The following PTPRD variants were observed in gnomAD, a reference collection of about 807,000 sequenced individuals.
The protein encoded by PTPRD is receptor-type tyrosine-protein phosphatase delta.
In PTPRD, 34 loss-of-function variants were observed where a neutral mutation model predicts 214.5. The observed-to-expected ratio is 0.16, with a 90% CI of 0.12 to 0.21. The LOEUF (loss-of-function observed/expected upper bound fraction) is 0.21, where lower values mean the gene tolerates loss of function less well. PTPRD is among the 10% of genes least tolerant of loss of function. The probability of loss-of-function intolerance (pLI) is 1.00; values close to 1 mark genes in which losing one functional copy is unlikely to be tolerated. For synonymous variants in PTPRD, 1,128 were observed against 845.7 expected, an observed-to-expected ratio of 1.33 and a Z score of -5.79; for missense variants, 2,545 against 2,398.7, an observed-to-expected ratio of 1.06 and a Z score of -1.27.
intron 3 of PTPRD, among the ~76,000 whole-genome samples, chr9:10,297,462 G>A (rs957188082): frequency 6.6e-6 from 1 of 151,912 alleles, no homozygotes. Context: ...TACTCTGTTT[G>A]GCCTGGGTTT....
intron 11 of PTPRD, among the ~76,000 whole-genome samples, chr9:8,971,135 A>G (rs1388822202): frequency 6.6e-6 from 1 of 151,824 alleles, no homozygotes; most frequent in Non-Finnish European, 1.5e-5. Context: ...ATTTGCAAAT[A>G]TATGTAATTT....
intron 11 of PTPRD, among the ~76,000 whole-genome samples, chr9:8,977,263 G>A (rs369338998): frequency 6.6e-6 from 1 of 151,976 alleles, no homozygotes; most frequent in South Asian, 2.1e-4. Flanking sequence ...ATCCCACTAA[G>A]TCTTGCCAGA....
chr9:8,329,033 A>G (rs1267192412), intron 44 of PTPRD, among the ~76,000 whole-genome samples: 1 of 152,072 alleles, frequency 6.6e-6, no homozygotes, highest in Non-Finnish European at 1.5e-5. Context: ...ACATCTGTCA[A>G]TTTATCAAAC....
intron 9 of PTPRD, among the ~76,000 whole-genome samples, chr9:9,350,465 A>G (rs1199877326): frequency 6.6e-6 from 1 of 152,072 alleles, no homozygotes; most frequent in Non-Finnish European, 1.5e-5. Context: ...CCTTTGTGTA[A>G]TTAGCTGGGA....
chr9:9,559,587 ACT>A, intron 8 of PTPRD, among the ~76,000 whole-genome samples: 1 of 152,308 alleles, frequency 6.6e-6, no homozygotes, highest in African/African-American at 2.4e-5. Flanking sequence ...GCTGTTTCTA[ACT>A]CTGCAAGAGA....
At chr9:9,907,535 T>C (rs1308509764) in intron 5 of PTPRD, among the ~76,000 whole-genome samples, 1 of 151,752 alleles carries the variant, frequency 6.6e-6, no homozygotes, top group Non-Finnish European at 1.5e-5. Flanking sequence ...ATGTCTATTC[T>C]TCTTCTTCTA....
intron 5 of PTPRD, among the ~76,000 whole-genome samples, chr9:9,914,492 G>T (rs1225604209): frequency 6.6e-6 from 1 of 152,152 alleles, no homozygotes; most frequent in Non-Finnish European, 1.5e-5. Flanking sequence ...ACAATCAGAG[G>T]CCAGCCAAAC....
chr9:10,002,101 T>C (rs760387640), intron 4 of PTPRD, among the ~76,000 whole-genome samples: 6 of 151,652 alleles, frequency 4.0e-5, no homozygotes, highest in Non-Finnish European at 4.4e-5. Flanking sequence ...TAATCTGAAC[T>C]AGATTGTTTT....
At chr9:10,199,889 A>G (rs189801283) in intron 3 of PTPRD, among the ~76,000 whole-genome samples, 86 of 139,558 alleles carry the variant, frequency 6.2e-4, no homozygotes, top group African/African-American at 2.4e-3. Flanking sequence ...ACACAAGTAC[A>G]TGGGCACTCG....
At chr9:10,102,845 C>T (rs1281147825) in intron 3 of PTPRD, among the ~76,000 whole-genome samples, 1 of 151,688 alleles carries the variant, frequency 6.6e-6, no homozygotes, top group Non-Finnish European at 1.5e-5. Context: ...TAGTCAAATT[C>T]TTACAATGGA....
intron 2 of PTPRD, among the ~76,000 whole-genome samples, chr9:10,509,722 A>G (rs2047372791): frequency 6.6e-6 from 1 of 151,270 alleles, no homozygotes; most frequent in South Asian, 2.1e-4. Flanking sequence ...TCCATGATAC[A>G]GAGGACAGTA....
At chr9:8,973,930 GT>G (rs1479115811) in intron 11 of PTPRD, among the ~76,000 whole-genome samples, 1 of 151,700 alleles carries the variant, frequency 6.6e-6, no homozygotes, top group East Asian at 1.9e-4. Context: ...TTGTTTAATT[GT>G]TTACATTTCT....
At chr9:9,262,790 A>G (rs1422537511) in intron 9 of PTPRD, among the ~76,000 whole-genome samples, 1 of 151,706 alleles carries the variant, frequency 6.6e-6, no homozygotes, top group Non-Finnish European at 1.5e-5. Flanking sequence ...ACATAAAACA[A>G]TTAATTTGCA....
At chr9:9,553,476 G>C (rs1419137058) in intron 8 of PTPRD, among the ~76,000 whole-genome samples, 1 of 151,786 alleles carries the variant, frequency 6.6e-6, no homozygotes, top group East Asian at 1.9e-4. Context: ...AAATAATTAA[G>C]ACAACTGCCC....
rs545130939 is a variant in PTPRD, at chr9:9,286,203, C to T, written c.-202-102840G>A. On this transcript the variant is annotated intron_variant, in intron 9 of 45. Coordinates refer to ENST00000381196, the MANE Select transcript of PTPRD (RefSeq NM_002839.4). ...CTACTTCAAATATGTGTAGTGAATT[C>T]TGTTTCCTTACCATCTCCATTGCTA... Among the ~76,000 whole-genome samples the T allele has an allele frequency of 5.9e-5, 9 of 151,938 alleles. No homozygotes were observed. In the South Asian group the frequency reaches 1.9e-3, roughly 31 times the overall value.
At chr9:8,351,813 G>A (rs908968820) in intron 39 of PTPRD, among the ~76,000 whole-genome samples, 1 of 139,840 alleles carries the variant, frequency 7.2e-6, no homozygotes, top group Admixed American at 7.3e-5. Context: ...GATCACTCCA[G>A]AAAGGTAAAA....
intron 11 of PTPRD, among the ~76,000 whole-genome samples, chr9:8,849,764 G>C (rs1414813519): frequency 2.0e-5 from 3 of 152,190 alleles, no homozygotes; most frequent in Non-Finnish European, 1.5e-5. Context: ...TGGTGAGGGA[G>C]AAGGCTAGAC....
Position 8,341,796 on chromosome 9 carries a change from C to G in PTPRD, c.4844G>C (p.Cys1615Ser), listed in dbSNP as rs1419892266. The stretch of plus-strand genomic sequence containing the variant: ...TCTAGCTGGCACTTCGGTATTTCCA[C>G]AAGTCACTGCTTCTAACAGTGCATC... The part of the protein sequence containing the change: ...IHDALLEAVT[C>S]GNTEVPARNL... The change falls in exon 40 of 46, where the codon TGT (cysteine) becomes TCT (serine). Residue 1615 changes from cysteine (C) to serine (S), a missense_variant. Cys to Ser is a moderately radical substitution (Grantham distance 112). Transcript: ENST00000381196. The G allele has an allele frequency of 2.5e-6, 4 of 1,613,492 alleles. No homozygotes were observed. Among genetic ancestry groups the G allele is most frequent in the Non-Finnish European group, 3.4e-6 (4 of 1,179,736 alleles).
chr9:10,041,534 T>C (rs966200455), intron 3 of PTPRD, among the ~76,000 whole-genome samples: 3 of 151,840 alleles, frequency 2.0e-5, no homozygotes, highest in African/African-American at 4.8e-5. Context: ...TTTTCTACTG[T>C]ATAAAATCAA....
Sources: allele counts gnomAD v4.1 joint callset (sites outside exome capture counted in the v4.1 genomes callset), GRCh38; gene constraint gnomAD v4.1.1; transcripts MANE v1.5; gene names NCBI Gene and HGNC (gene_info 2026-07-23, HGNC 2026-07-21).